HSD17B12: variants seen among roughly 807,000 people sequenced by gnomAD.
HSD17B12 encodes the protein hydroxysteroid 17-beta dehydrogenase 12.
HSD17B12 carries 32 observed loss-of-function variants against 39.3 expected under a neutral mutation model. The observed-to-expected ratio is 0.81, with a 90% CI of 0.61 to 1.09. The LOEUF is 1.09. Among genes scored for constraint, HSD17B12 ranks in the 50% least tolerant of loss-of-function variants. The pLI, the probability that HSD17B12 is intolerant of heterozygous loss-of-function variation, is 0.00. For missense variants in HSD17B12, 342 were observed against 382.9 expected (o/e 0.89, Z 0.89); for synonymous variants, 150 against 146.7 (o/e 1.02, Z -0.16).
intron 1 of HSD17B12, chr11:43,718,648 A>G (rs1481562929): frequency 1.4e-6 from 1 of 691,068 alleles, no homozygotes; most frequent in Non-Finnish European, 2.5e-6. Context: ...ATGTATCAAA[A>G]ATATACCTTG....
the HSD17B12 span, among the ~76,000 whole-genome samples, chr11:43,602,466 T>C: frequency 6.6e-6 from 1 of 152,174 alleles, no homozygotes; most frequent in Non-Finnish European, 1.5e-5. Context: ...GTTCTCAGTG[T>C]AGTCTTGGGA....
At chr11:43,615,596 A>G in the HSD17B12 span, among the ~76,000 whole-genome samples, 1 of 152,200 alleles carries the variant, frequency 6.6e-6, no homozygotes, top group Non-Finnish European at 1.5e-5. Context: ...AGGTGCTTCC[A>G]GGCAGAAATG....
intron 1 of HSD17B12, among the ~76,000 whole-genome samples, chr11:43,707,161 G>A (rs72908859): frequency 0.032 from 4,828 of 152,252 alleles, 111 homozygotes; most frequent in Non-Finnish European, 0.049. Context: ...TATGTCAGAC[G>A]CTTTGCAATG....
At chr11:43,663,345 C>A in the HSD17B12 span, among the ~76,000 whole-genome samples, 1 of 152,174 alleles carries the variant, frequency 6.6e-6, no homozygotes, top group Non-Finnish European at 1.5e-5. Flanking sequence ...AGTGATCTGC[C>A]TGCCTCAGTC....
intron 3 of HSD17B12, among the ~76,000 whole-genome samples, chr11:43,768,164 G>A (rs550401974): frequency 6.6e-6 from 1 of 152,192 alleles, no homozygotes; most frequent in Non-Finnish European, 1.5e-5. Context: ...TATTGTAGGT[G>A]GGTAACTGAA....
At chr11:43,784,064 G>A (rs1470629317) in intron 3 of HSD17B12, among the ~76,000 whole-genome samples, 1 of 152,090 alleles carries the variant, frequency 6.6e-6, no homozygotes, top group East Asian at 1.9e-4. Flanking sequence ...ATTCGGCCAG[G>A]AGCATCAGCA....
At chr11:43,801,152 A>G (rs1298688546) in intron 4 of HSD17B12, among the ~76,000 whole-genome samples, 1 of 152,096 alleles carries the variant, frequency 6.6e-6, no homozygotes, top group Non-Finnish European at 1.5e-5. Flanking sequence ...AAGAAAAAAA[A>G]AAGAGCTATA....
At chr11:43,784,718 C>T (rs1554967504) in intron 3 of HSD17B12, among the ~76,000 whole-genome samples, 1 of 152,150 alleles carries the variant, frequency 6.6e-6, no homozygotes, top group Non-Finnish European at 1.5e-5. Context: ...AGTATACTTA[C>T]AATGAGGGTT....
At chr11:43,602,066 A>C in the HSD17B12 span, among the ~76,000 whole-genome samples, 1 of 152,142 alleles carries the variant, frequency 6.6e-6, no homozygotes, top group South Asian at 2.1e-4. Context: ...GGTTTTGGGG[A>C]AGGAGTTTCC....
At chr11:43,559,555 C>T in the HSD17B12 span, 1 of 155,416 alleles carries the variant, frequency 6.4e-6, no homozygotes, top group Non-Finnish European at 1.5e-5. Flanking sequence ...ACATGAGAAC[C>T]CACGAGAGCC....
chr11:43,663,002 G>C, the HSD17B12 span, among the ~76,000 whole-genome samples: 1 of 152,306 alleles, frequency 6.6e-6, no homozygotes, highest in Non-Finnish European at 1.5e-5. Flanking sequence ...CAGCAAGGAA[G>C]TATCTAAACA....
chr11:43,788,670 C>T (rs764256008), intron 3 of HSD17B12, among the ~76,000 whole-genome samples: 3 of 139,970 alleles, frequency 2.1e-5, no homozygotes, highest in Non-Finnish European at 4.6e-5. Context: ...ACTCTGCCAC[C>T]GTCATTTCCT....
chr11:43,795,911 TG>T (rs752296466), intron 3 of HSD17B12, among the ~76,000 whole-genome samples: 1 of 151,808 alleles, frequency 6.6e-6, no homozygotes, highest in African/African-American at 2.4e-5. Flanking sequence ...TGAGGAGTGC[TG>T]GGGGGGATGG....
chr11:43,838,170 A>G, intron 7 of HSD17B12, 147 bp from the exon 8 acceptor site: 1 of 642,552 alleles, frequency 1.6e-6, no homozygotes, highest in Non-Finnish European at 2.8e-6. Context: ...CAAGCATAGC[A>G]CATACTGATG....
At chr11:43,842,948 A>G (rs1379605200) in intron 9 of HSD17B12, among the ~76,000 whole-genome samples, 5 of 152,166 alleles carry the variant, frequency 3.3e-5, no homozygotes, top group Non-Finnish European at 1.5e-5. Context: ...TCCCTCAAAG[A>G]TCTTTTCTCC....
the HSD17B12 span, among the ~76,000 whole-genome samples, chr11:43,631,601 C>G: frequency 7.7e-6 from 1 of 129,634 alleles, no homozygotes; most frequent in Admixed American, 9.3e-5. Context: ...GTCTCTCTCT[C>G]TCTCTCTGTC....
At chr11:43,654,321 A>G in the HSD17B12 span, among the ~76,000 whole-genome samples, 1 of 152,138 alleles carries the variant, frequency 6.6e-6, no homozygotes, top group Non-Finnish European at 1.5e-5. Flanking sequence ...GTAGGTTGCA[A>G]AAATTTTCTC....
chr11:43,813,452 A>C (rs1288943881), intron 4 of HSD17B12, among the ~76,000 whole-genome samples: 1 of 152,178 alleles, frequency 6.6e-6, no homozygotes, highest in African/African-American at 2.4e-5. Flanking sequence ...GTACTTCATG[A>C]AATTTTTTTT....
the HSD17B12 span, among the ~76,000 whole-genome samples, chr11:43,661,497 G>C: frequency 6.6e-6 from 1 of 152,178 alleles, no homozygotes; most frequent in Non-Finnish European, 1.5e-5. Flanking sequence ...GTAAGTGCAT[G>C]TCTAATAACT....
Sources: allele counts gnomAD v4.1 joint callset (sites outside exome capture counted in the v4.1 genomes callset), GRCh38; gene constraint gnomAD v4.1.1; transcripts MANE v1.5; gene names NCBI Gene and HGNC (gene_info 2026-07-23, HGNC 2026-07-21).